PARD3B: variants seen among roughly 807,000 people sequenced by gnomAD.
PARD3B encodes the protein partitioning defective 3 homolog B.
Under a neutral mutation model 130.2 loss-of-function variants are expected in PARD3B, and 103 were observed. That is an observed-to-expected ratio of 0.79 (90% CI 0.67 to 0.93). The LOEUF (loss-of-function observed/expected upper bound fraction) is 0.93, where lower values mean the gene tolerates loss of function less well. Among genes scored for constraint, PARD3B ranks in the 40% least tolerant of loss-of-function variants. The pLI is 0.00. For synonymous variants in PARD3B, 583 were observed against 553.2 expected, an observed-to-expected ratio of 1.05 and a Z score of -0.76; for missense variants, 1,609 against 1,499.2, an observed-to-expected ratio of 1.07 and a Z score of -1.21.
At chr2:205,216,436 A>G (rs1282094595) in intron 15 of PARD3B, among the ~76,000 whole-genome samples, 1 of 152,184 alleles carries the variant, frequency 6.6e-6, no homozygotes. Context: ...AGTTACGTGT[A>G]TAATTTTTAC....
chr2:204,848,689 T>TC, intron 2 of PARD3B, among the ~76,000 whole-genome samples: 3 of 150,470 alleles, frequency 2.0e-5, no homozygotes, highest in Middle Eastern at 3.7e-3. Flanking sequence ...CTATCTATTA[T>TC]TTATATATGT....
Position 204,883,456 on chromosome 2 carries a change from T to TA in PARD3B, c.223-81696_223-81695insA, listed in dbSNP as rs1438302508. Among the ~76,000 whole-genome samples the TA allele has an allele frequency of 2.6e-3, 259 of 99,418 alleles. 3 individuals carry two copies. The highest frequency in any genetic ancestry group is 0.013 in the African/African-American group (231 of 17,848). The allele number at this position is 99,418 out of a possible 152,430, so 65.2% of individuals were successfully genotyped here. ...TAAAATATATATATATATATATATA[T>TA]TTTTTTTTTTGAGACAGAGTCTCAC... is the stretch of plus-strand genomic sequence containing the variant. On this transcript the variant is annotated intron_variant, in intron 2 of 22. Transcript: ENST00000406610.
rs1183220449 is a variant in PARD3B, at chr2:204,890,736, G to A, written c.223-74416G>A. ...CCTAAGGCCTGCTAGCCACAGGGAG[G>A]CAGGGATGTCCCCTCTTGCTCAGCC... On this transcript the variant is annotated intron_variant, in intron 2 of 22. Coordinates refer to ENST00000406610, the MANE Select transcript of PARD3B (RefSeq NM_001302769.2). The surrounding 1 kb of genome is among the most constrained non-coding windows in gnomAD (Gnocchi z 4.9). Among the ~76,000 whole-genome samples the A allele has an allele frequency of 6.6e-6, 1 of 152,214 alleles. No homozygotes were observed. Among genetic ancestry groups the A allele is most frequent in the Non-Finnish European group, 1.5e-5 (1 of 68,040 alleles).
intron 2 of PARD3B, among the ~76,000 whole-genome samples, chr2:204,923,857 A>C (rs1184921217): frequency 6.6e-6 from 1 of 152,098 alleles, no homozygotes; most frequent in South Asian, 2.1e-4. Flanking sequence ...ACAAAAAATT[A>C]TAGTCAATTT....
Position 205,589,276 on chromosome 2 carries a change from G to A in PARD3B, c.3261-26180G>A, listed in dbSNP as rs2054300570. Among the ~76,000 whole-genome samples, 1 of 152,192 alleles carries A rather than the reference G, an allele frequency of 6.6e-6. No homozygotes were observed. The highest frequency in any genetic ancestry group is 2.4e-5 in the African/African-American group (1 of 41,446). On this transcript the variant is annotated intron_variant, in intron 22 of 22. Transcript: ENST00000406610. This position sits in a 1 kb window ranked among gnomAD's most constrained non-coding sequence, Gnocchi z 4.1. ...ACTGCCCTGCAGCCTGGGTGGTGAAGCGAGACCCTGTCTCAATCAATCAAT... is the reference window on the plus strand; with the variant it reads ...ACTGCCCTGCAGCCTGGGTGGTGAAACGAGACCCTGTCTCAATCAATCAAT...
chr2:205,002,047 T>C (rs1694880867), intron 3 of PARD3B, among the ~76,000 whole-genome samples: 2 of 152,176 alleles, frequency 1.3e-5, no homozygotes, highest in Admixed American at 6.5e-5. Context: ...CATTCCCTAA[T>C]ATAAGTAGCT....
chr2:205,425,306 G>C (rs1406986828), intron 19 of PARD3B, among the ~76,000 whole-genome samples: 4 of 152,146 alleles, frequency 2.6e-5, no homozygotes, highest in Non-Finnish European at 5.9e-5. Context: ...TATGAGAATA[G>C]AAATTACAGG....
chr2:205,520,451 T>G (rs1216937385), intron 21 of PARD3B, among the ~76,000 whole-genome samples: 2 of 152,148 alleles, frequency 1.3e-5, no homozygotes, highest in African/African-American at 4.8e-5. Flanking sequence ...GGCTTTCAGT[T>G]GCTCCTGGAG....
chr2:204,989,732 T>G (rs1456137051), intron 3 of PARD3B, among the ~76,000 whole-genome samples: 1 of 152,154 alleles, frequency 6.6e-6, no homozygotes, highest in African/African-American at 2.4e-5. Flanking sequence ...TTCTGTACCT[T>G]TTTCTCCTTA....
chr2:205,131,948 A>G (rs1019932103), intron 10 of PARD3B, among the ~76,000 whole-genome samples: 24 of 151,978 alleles, frequency 1.6e-4, no homozygotes, highest in Middle Eastern at 3.2e-3. Context: ...TTGAGCCTTG[A>G]CTCTATCACT....
rs868063086 is a variant in PARD3B, at chr2:205,456,979, G to T, written c.3044+16307G>T. Among the ~76,000 whole-genome samples the T allele has an allele frequency of 1.5e-4, 22 of 150,794 alleles. 1 individual carries two copies. Among genetic ancestry groups the T allele is most frequent in the African/African-American group, 4.9e-4 (20 of 41,224 alleles). On this transcript the variant is annotated intron_variant, in intron 20 of 22. Coordinates refer to ENST00000406610, the MANE Select transcript of PARD3B (RefSeq NM_001302769.2). ...ATAATTATATATATTTAATTCATTTGCTAATATTTATTGCTGTCTTCATTG... is the reference window on the plus strand; with the variant it reads ...ATAATTATATATATTTAATTCATTTTCTAATATTTATTGCTGTCTTCATTG...
chr2:204,668,854 T>C lies in PARD3B; in HGVS notation c.121-17327T>C, dbSNP rs1408446551. ...CTTTAAGCTAGAGAGATTAACCTGG[T>C]GGGCTCAGTGTAATCACAGGGGTCT... On this transcript the variant is annotated intron_variant, in intron 1 of 22. Coordinates refer to ENST00000406610, the MANE Select transcript of PARD3B (RefSeq NM_001302769.2). Among the ~76,000 whole-genome samples, 7 of 152,280 alleles carry C rather than the reference T, an allele frequency of 4.6e-5. No individual in the cohort carries two copies. The East Asian group carries it at 1.3e-3, about 29-fold the overall frequency.
chr2:204,823,354 A>C (rs2043439322), intron 2 of PARD3B, among the ~76,000 whole-genome samples: 1 of 151,972 alleles, frequency 6.6e-6, no homozygotes, highest in Non-Finnish European at 1.5e-5. Flanking sequence ...ATTTTCAATA[A>C]AATAATGCTC....
intron 10 of PARD3B, among the ~76,000 whole-genome samples, chr2:205,131,933 C>G (rs1436912652): frequency 6.6e-6 from 1 of 152,068 alleles, no homozygotes; most frequent in Admixed American, 6.6e-5. Context: ...TCCGTCACAC[C>G]TGGGTTGAGC....
intron 2 of PARD3B, among the ~76,000 whole-genome samples, chr2:204,695,490 G>C (rs1279299157): frequency 1.3e-5 from 2 of 151,988 alleles, no homozygotes; most frequent in Non-Finnish European, 2.9e-5. Context: ...GTATTGTAGA[G>C]TGTCATGTGG....
rs188367745 is a variant in PARD3B, at chr2:205,506,287, C to T, written c.3180+6256C>T. On this transcript the variant is annotated intron_variant, in intron 21 of 22. Coordinates refer to ENST00000406610, the MANE Select transcript of PARD3B (RefSeq NM_001302769.2). Reference sequence around the variant, plus strand: ...GGCGGAAGTTGCAGTGAGCTGAGATCGCACCACTGCCCTCTAGCCTGGTGA... The same window carrying T: ...GGCGGAAGTTGCAGTGAGCTGAGATTGCACCACTGCCCTCTAGCCTGGTGA... 2.6e-5 allele frequency among the ~76,000 whole-genome samples: 4 copies of T among 152,192 alleles called. No homozygotes were observed. The East Asian group carries it at 5.8e-4, about 22-fold the overall frequency.
intron 4 of PARD3B, among the ~76,000 whole-genome samples, chr2:205,066,089 G>A (rs1444910642): frequency 1.3e-5 from 2 of 152,118 alleles, no homozygotes; most frequent in African/African-American, 2.4e-5. Context: ...TCTCGGGTCT[G>A]GGAAAGTTAA....
chr2:204,829,685 G>A (rs138677750), intron 2 of PARD3B, among the ~76,000 whole-genome samples: 1 of 152,176 alleles, frequency 6.6e-6, no homozygotes, highest in African/African-American at 2.4e-5. Flanking sequence ...GTGAGTTCTC[G>A]CAAGATGTGG....
At chr2:205,046,588 A>T (rs1698801294) in intron 3 of PARD3B, among the ~76,000 whole-genome samples, 1 of 152,068 alleles carries the variant, frequency 6.6e-6, no homozygotes, top group Admixed American at 6.5e-5. Context: ...ACACATAAAA[A>T]CCAGGTTTGT....
Sources: gnomAD v4.1 joint callset for allele counts (sites outside exome capture counted in the v4.1 genomes callset) on GRCh38, gnomAD v4.1.1 for gene constraint, Gnocchi (gnomAD v3.1) non-coding constraint, MANE v1.5 for transcripts, NCBI Gene and HGNC (gene_info 2026-07-23, HGNC 2026-07-21) for gene names.